The following PCDHA11 variants were observed in gnomAD, a reference collection of about 807,000 sequenced individuals.
The protein encoded by PCDHA11 is protocadherin alpha 11.
PCDHA11 carries 61 observed loss-of-function variants against 70.3 expected under a neutral mutation model. That is an observed-to-expected ratio of 0.87 (90% CI 0.71 to 1.07). PCDHA11 has a LOEUF of 1.07. Among genes scored for constraint, PCDHA11 ranks in the 50% least tolerant of loss-of-function variants. PCDHA11 has a pLI of 0.00. For synonymous variants in PCDHA11, 633 were observed against 555.1 expected (o/e 1.14, Z -1.97); for missense variants, 1,324 against 1,237.5 (o/e 1.07, Z -1.05).
intron 1 of PCDHA11, among the ~76,000 whole-genome samples, chr5:140,874,119 GTTTA>G (rs1582151784): frequency 6.6e-6 from 1 of 152,064 alleles, no homozygotes; most frequent in Non-Finnish European, 1.5e-5. Flanking sequence ...ACGTTTTATA[GTTTA>G]TTTAAGTTAT....
chr5:140,945,275 A>G (rs1205952276), intron 1 of PCDHA11, among the ~76,000 whole-genome samples: 2 of 152,186 alleles, frequency 1.3e-5, no homozygotes, highest in Non-Finnish European at 2.9e-5. Context: ...TGAAAACTTT[A>G]AAACATTGAT....
intron 1 of PCDHA11, among the ~76,000 whole-genome samples, chr5:140,937,096 G>A (rs1173485186): frequency 6.8e-6 from 1 of 146,810 alleles, no homozygotes; most frequent in Non-Finnish European, 1.5e-5. Context: ...GGAGTGCAGT[G>A]GCGCAGTCTC....
rs114294981 is a variant in PCDHA11, at chr5:140,997,261, C to T, written c.2540-12366C>T. On this transcript the variant is annotated intron_variant, in intron 3 of 3. Transcript: ENST00000398640. ...CATGTTTACTTTAGGGTTCACTCTT[C>T]CAAATATTTCTTGCATCACTTAACA... Among the ~76,000 whole-genome samples, 265 of 152,266 alleles carry T rather than the reference C, an allele frequency of 1.7e-3. 1 individual carries two copies. The highest frequency in any genetic ancestry group is 6.2e-3 in the African/African-American group (257 of 41,540).
chr5:140,879,491 T>G (rs2153367311), intron 1 of PCDHA11, among the ~76,000 whole-genome samples: 1 of 152,338 alleles, frequency 6.6e-6, no homozygotes. Flanking sequence ...AATATGGGTC[T>G]GGATCTCAGA....
chr5:140,935,118 T>G (rs189908862), intron 1 of PCDHA11, among the ~76,000 whole-genome samples: 6 of 152,324 alleles, frequency 3.9e-5, no homozygotes, highest in Admixed American at 3.3e-4. Flanking sequence ...AGCTTTCACT[T>G]ATTTTTAGTG....
chr5:140,998,195 A>C (rs1409926168), intron 3 of PCDHA11, among the ~76,000 whole-genome samples: 6 of 152,164 alleles, frequency 3.9e-5, no homozygotes, highest in African/African-American at 1.2e-4. Flanking sequence ...ACAAGTATTA[A>C]CTCCTTTAAT....
intron 1 of PCDHA11, among the ~76,000 whole-genome samples, chr5:140,886,254 CTA>C (rs1304679943): frequency 6.6e-6 from 1 of 151,720 alleles, no homozygotes; most frequent in Non-Finnish European, 1.5e-5. Flanking sequence ...AAAAGTATCT[CTA>C]TTTATAGATA....
chr5:141,010,815 TC>T lies in PCDHA11; in HGVS notation c.*879del, dbSNP rs1159286994. 1.3e-5 allele frequency: 2 copies of T among 153,744 alleles called. No homozygotes were observed. Among genetic ancestry groups the T allele is most frequent in the Admixed American group, 6.5e-5 (1 of 15,280 alleles). 9.5% of individuals were successfully genotyped at this position (153,744 alleles called of 1,614,324 possible). On this transcript the variant is annotated 3_prime_UTR_variant, in exon 4 of 4. Coordinates refer to ENST00000398640, the MANE Select transcript of PCDHA11 (RefSeq NM_018902.5). ...AAAGAAAACCCCGACACCTCACCTT[TC>T]GCTGTTTGTTGTTTCATAGATTTAT...
intron 1 of PCDHA11, among the ~76,000 whole-genome samples, chr5:140,971,158 C>T (rs1554233066): frequency 6.6e-6 from 1 of 152,172 alleles, no homozygotes; most frequent in African/African-American, 2.4e-5. Context: ...AGGCCAGGCT[C>T]AGCTTTGCCA....
chr5:140,973,125 G>A (rs1417014318), intron 1 of PCDHA11, among the ~76,000 whole-genome samples: 2 of 152,166 alleles, frequency 1.3e-5, no homozygotes, highest in African/African-American at 4.8e-5. Context: ...GATGAATTAA[G>A]TTTGCATTCA....
intron 1 of PCDHA11, among the ~76,000 whole-genome samples, chr5:140,885,108 T>C (rs986059469): frequency 6.6e-6 from 1 of 152,226 alleles, no homozygotes; most frequent in Non-Finnish European, 1.5e-5. Flanking sequence ...AAATGCTTTT[T>C]TTAAGTGCAC....
At position 140,904,654 on chromosome 5, in the gene PCDHA11, G is replaced by C. The variant is rs554492367; in HGVS notation, c.2391+33160G>C. On this transcript the variant is annotated intron_variant, in intron 1 of 3. Coordinates refer to ENST00000398640, the MANE Select transcript of PCDHA11 (RefSeq NM_018902.5). ...AGGAATCTCCACACTGTTTTCCATAGTGGTTGTACTAGTTTACATTCCCAC... is the reference window on the plus strand; with the variant it reads ...AGGAATCTCCACACTGTTTTCCATACTGGTTGTACTAGTTTACATTCCCAC... Among the ~76,000 whole-genome samples, 175 of 152,122 alleles carry C rather than the reference G, an allele frequency of 1.2e-3. 1 individual carries two copies. The highest frequency in any genetic ancestry group is 3.4e-3 in the Middle Eastern group (1 of 294).
chr5:140,927,209 A>G, intron 1 of PCDHA11: 2 of 1,614,092 alleles, frequency 1.2e-6, no homozygotes, highest in Non-Finnish European at 1.7e-6. Context: ...GACCCGCTGG[A>G]GCTGCACAAG....
chr5:140,928,291 G>A (rs62384489), intron 1 of PCDHA11: 1 of 1,614,142 alleles, frequency 6.2e-7, no homozygotes, highest in Non-Finnish European at 8.5e-7. Context: ...TCTAGGCCGA[G>A]TGTTTGCCCA....
chr5:140,966,998 C>G, intron 1 of PCDHA11: 1 of 1,604,774 alleles, frequency 6.2e-7, no homozygotes. Context: ...GGGTTGCTTG[C>G]GCATCAACCA....
intron 1 of PCDHA11, among the ~76,000 whole-genome samples, chr5:140,903,809 G>A (rs1004701576): frequency 2.0e-5 from 3 of 152,080 alleles, no homozygotes; most frequent in African/African-American, 7.2e-5. Flanking sequence ...GACAAGTATA[G>A]TTCTCACATG....
chr5:140,983,113 A>G (rs2097027812), intron 3 of PCDHA11, among the ~76,000 whole-genome samples: 2 of 152,254 alleles, frequency 1.3e-5, no homozygotes, highest in Admixed American at 6.5e-5. Context: ...CTGCACATCA[A>G]CAACATTCTG....
intron 1 of PCDHA11, chr5:140,882,224 G>A (rs781909276): frequency 1.5e-5 from 24 of 1,558,680 alleles, no homozygotes; most frequent in Non-Finnish European, 1.9e-5. Flanking sequence ...TTGAGGTAAG[G>A]CGTTGTATAT....
chr5:140,994,258 G>A (rs2097608740), intron 3 of PCDHA11, among the ~76,000 whole-genome samples: 1 of 152,122 alleles, frequency 6.6e-6, no homozygotes, highest in Admixed American at 6.5e-5. Flanking sequence ...GGTAAATAAG[G>A]TAAGCTAGGC....
Sources: allele counts gnomAD v4.1 joint callset (sites outside exome capture counted in the v4.1 genomes callset), GRCh38; gene constraint gnomAD v4.1.1; transcripts MANE v1.5; gene names NCBI Gene and HGNC (gene_info 2026-07-23, HGNC 2026-07-21).